The following AP5M1 variants were observed in gnomAD, a reference collection of about 807,000 sequenced individuals.
AP5M1 encodes AP-5 complex subunit mu-1.
A neutral mutation model predicts 52.3 loss-of-function variants in AP5M1; 44 were observed. The ratio of observed to expected loss-of-function variants is 0.84; its 90% CI spans 0.66 to 1.08. The LOEUF (loss-of-function observed/expected upper bound fraction) is 1.08, where lower values mean the gene tolerates loss of function less well. Ranked by LOEUF, AP5M1 falls within the 50% of genes least tolerant of loss-of-function variation. AP5M1 has a pLI of 0.00. For synonymous variants in AP5M1, 213 were observed against 199.0 expected (o/e 1.07, Z -0.59); for missense variants, 526 against 568.4 (o/e 0.93, Z 0.76).
In AP5M1 at chr14:57,286,194, A is replaced by C. The variant is rs745976366; in HGVS notation, c.1294-29A>C. ...ATGCTTTTTACCAAATAATCACCTT[A>C]ATTTGGTACATTTCTCTCTTCTTTC... On this transcript the variant is annotated intron_variant, in intron 6 of 7. Transcript: ENST00000261558. The C allele has an allele frequency of 6.4e-6, 9 of 1,399,244 alleles. No individual in the cohort carries two copies. The South Asian group carries it at 1.1e-4, about 16-fold the overall frequency. 86.7% of individuals were successfully genotyped at this position (1,399,244 alleles called of 1,614,324 possible).
At position 57,290,995 on chromosome 14, in the gene AP5M1, C is replaced by T. The variant is rs770675529; in HGVS notation, c.*2111C>T. On this transcript the variant is annotated 3_prime_UTR_variant, in exon 8 of 8. Transcript: ENST00000261558. ...CTGGACCTTTCCTTTCTTCAGAGTC[C>T]GTTGCCACAATTAAAGAAGAAACAG... 1 of 151,774 alleles carries T rather than the reference C, an allele frequency of 6.6e-6. No homozygotes were observed. Among genetic ancestry groups the T allele is most frequent in the Admixed American group, 6.6e-5 (1 of 15,200 alleles). The allele number at this position is 151,774 out of a possible 1,614,324, so 9.4% of individuals were successfully genotyped here. A position where few individuals can be genotyped will look rare whatever the true frequency, so the allele number is the denominator to read the frequency against.
At chr14:57,274,970 T>A in intron 2 of AP5M1, 81 bp downstream of exon 2, 1 of 1,496,600 alleles carries the variant, frequency 6.7e-7, no homozygotes, top group Non-Finnish European at 9.2e-7. Flanking sequence ...GTATTTTAAA[T>A]AACATTTTTT....
chr14:57,281,095 T>A lies in AP5M1; in HGVS notation c.948+673T>A, dbSNP rs972649924. Among the ~76,000 whole-genome samples, 11 of 152,162 alleles carry A rather than the reference T, an allele frequency of 7.2e-5. 1 individual carries two copies. The South Asian group carries it at 1.0e-3, about 14-fold the overall frequency. On this transcript the variant is annotated intron_variant, in intron 3 of 7. Coordinates refer to ENST00000261558, the MANE Select transcript of AP5M1 (RefSeq NM_018229.4). ...TTATTATTAATAGCTATTTATTGTT[T>A]ATTGAATAATTGCTTGTGTGTCAGA...
intron 2 of AP5M1, 42 bp downstream of exon 2, chr14:57,274,931 CAT>C (rs774332345): frequency 2.7e-5 from 43 of 1,605,724 alleles, no homozygotes; most frequent in Middle Eastern, 1.7e-4. Flanking sequence ...TTTTATTTAA[CAT>C]ATGGAGAAAA....
chr14:57,273,590 A>C (rs1594697563), intron 1 of AP5M1: 1 of 562,142 alleles, frequency 1.8e-6, no homozygotes, highest in Admixed American at 2.9e-5. Flanking sequence ...AACTGCTTAC[A>C]GTTCAACTCA....
intron 7 of AP5M1, among the ~76,000 whole-genome samples, chr14:57,288,051 A>G (rs1885349562): frequency 6.6e-6 from 1 of 152,084 alleles, no homozygotes; most frequent in African/African-American, 2.4e-5. Flanking sequence ...CTTGCCTCTC[A>G]TTGTTACTGC....
intron 1 of AP5M1, among the ~76,000 whole-genome samples, chr14:57,272,850 A>G (rs1359021037): frequency 1.3e-5 from 2 of 152,082 alleles, no homozygotes; most frequent in Non-Finnish European, 2.9e-5. Flanking sequence ...TGTAGGTGAT[A>G]TTTACCTACA....
chr14:57,270,623 C>G (rs142376369), intron 1 of AP5M1, among the ~76,000 whole-genome samples: 501 of 152,248 alleles, frequency 3.3e-3, no homozygotes, highest in African/African-American at 0.011. Context: ...ACCTCAAATA[C>G]AGGAGATTAA....
chr14:57,287,048 CAA>C (rs897820407), intron 7 of AP5M1, among the ~76,000 whole-genome samples: 2 of 150,642 alleles, frequency 1.3e-5, no homozygotes, highest in Non-Finnish European at 3.0e-5. Flanking sequence ...AAATATGAGA[CAA>C]AAAACAATTT....
At chr14:57,275,716 T>A (rs1187958386) in intron 2 of AP5M1, among the ~76,000 whole-genome samples, 1 of 152,208 alleles carries the variant, frequency 6.6e-6, no homozygotes, top group African/African-American at 2.4e-5. Flanking sequence ...CTCTGACATA[T>A]CTAAAATCAT....
chr14:57,292,953 T>G lies in AP5M1; in HGVS notation c.*4069T>G, dbSNP rs1326618440. The stretch of plus-strand genomic sequence containing the variant: ...ATTATAAGAATAATTGCATTCATTT[T>G]CAGAATGCTTTTTTAAAAAAAAAAA... On this transcript the variant is annotated 3_prime_UTR_variant, in exon 8 of 8. Transcript: ENST00000261558. 1 of 151,708 alleles carries G rather than the reference T, an allele frequency of 6.6e-6. No homozygotes were observed. Among genetic ancestry groups the G allele is most frequent in the Non-Finnish European group, 1.5e-5 (1 of 67,760 alleles). 9.4% of individuals were successfully genotyped at this position (151,708 alleles called of 1,614,324 possible).
rs1884973220 is a variant in AP5M1 at position 57,274,544 on chromosome 14, C to T, written c.375C>T (p.Val125=). 1.2e-6 allele frequency: 2 copies of T among 1,614,014 alleles called. No individual in the cohort carries two copies. Among genetic ancestry groups the T allele is most frequent in the Non-Finnish European group, 1.7e-6 (2 of 1,180,024 alleles). Residue 125 remains valine (V), a synonymous_variant, in exon 2 of 8, where the codon GTC becomes GTT. Transcript: ENST00000261558. ...CCCCTCGTCCGCCACTAATTAGTGT[C>T]AGTGGAGTTTCACAAGGCTTTGAAT... ...TLSPRPPLIS[V]SGVSQGFEFL... is the part of the protein sequence containing the mutation.
chr14:57,297,341 G>C lies in AP5M1; in HGVS notation c.*8457G>C, dbSNP rs1204195962. 6.6e-6 allele frequency: 1 copy of C among 151,962 alleles called. No individual in the cohort carries two copies. Among genetic ancestry groups the C allele is most frequent in the Non-Finnish European group, 1.5e-5 (1 of 67,984 alleles). 9.4% of individuals were successfully genotyped at this position (151,962 alleles called of 1,614,324 possible). On this transcript the variant is annotated 3_prime_UTR_variant, in exon 8 of 8. Transcript: ENST00000261558. The stretch of plus-strand genomic sequence containing the variant: ...ATGTGTGCTCAATTTGCTAGTATGA[G>C]ATTTACCTCTGCCTTATCAGTGAAG...
chr14:57,269,832 G>A (rs1402488657), intron 1 of AP5M1, among the ~76,000 whole-genome samples: 1 of 151,866 alleles, frequency 6.6e-6, no homozygotes, highest in Non-Finnish European at 1.5e-5. Context: ...TTTTTGAGAC[G>A]GAGTCTCGCT....
At chr14:57,282,004 TTAAAAG>T (rs1885190027) in intron 3 of AP5M1, 79 bp from the exon 4 acceptor site, 3 of 1,208,034 alleles carry the variant, frequency 2.5e-6, no homozygotes, top group African/African-American at 3.2e-5. Context: ...CTCCAAGTCA[TTAAAAG>T]TAACTCTTTT....
In AP5M1 at chr14:57,274,832, A is replaced by C. The variant is rs1189899; in HGVS notation, c.663A>C (p.Gln221His). The stretch of plus-strand genomic sequence containing the variant: ...TCACTGAAAAGGTAAAATCCATGCA[A>C]TATGATAAACAGGGTATAGCAGATA... ...ISITEKVKSM[Q>H]YDKQGIADTW... is the part of the protein sequence containing the mutation. Residue 221 changes from glutamine to histidine, a missense_variant, in exon 2 of 8, where the codon CAA becomes CAC. Coordinates refer to ENST00000261558, the MANE Select transcript of AP5M1 (RefSeq NM_018229.4). 6.2e-7 allele frequency: 1 copy of C among 1,613,938 alleles called. No homozygotes were observed. The highest frequency in any genetic ancestry group is 8.5e-7 in the Non-Finnish European group (1 of 1,179,974).
intron 3 of AP5M1, among the ~76,000 whole-genome samples, chr14:57,281,820 G>A (rs552795341): frequency 6.6e-6 from 1 of 152,328 alleles, no homozygotes; most frequent in Admixed American, 6.5e-5. Context: ...GCCCTATGCG[G>A]CAGATCAGAG....
chr14:57,270,660 C>G (rs1382754304), intron 1 of AP5M1, among the ~76,000 whole-genome samples: 1 of 152,106 alleles, frequency 6.6e-6, no homozygotes, highest in South Asian at 2.1e-4. Flanking sequence ...GTGGTTTTAC[C>G]AGGCGCATCA....
At chr14:57,282,032 T>G in intron 3 of AP5M1, 57 bp from the exon 4 acceptor site, 1 of 1,413,466 alleles carries the variant, frequency 7.1e-7, no homozygotes, top group East Asian at 2.7e-5. Flanking sequence ...TCAGTTACTT[T>G]TGTTGTTTTA....
Sources: allele counts gnomAD v4.1 joint callset (sites outside exome capture counted in the v4.1 genomes callset), GRCh38; gene constraint gnomAD v4.1.1; transcripts MANE v1.5; gene names NCBI Gene and HGNC (gene_info 2026-07-23, HGNC 2026-07-21).